MARCHF1: variants seen among roughly 807,000 people sequenced by gnomAD.
The protein encoded by MARCHF1 is E3 ubiquitin-protein ligase MARCHF1.
A neutral mutation model predicts 54.2 loss-of-function variants in MARCHF1; 40 were observed. The ratio of observed to expected loss-of-function variants is 0.74; its 90% CI spans 0.57 to 0.96. The LOEUF is 0.96. MARCHF1 is among the 40% of genes least tolerant of loss of function. MARCHF1 has a pLI of 0.00. For missense variants in MARCHF1, 586 were observed against 656.5 expected (o/e 0.89, Z 1.17); for synonymous variants, 236 against 236.3 (o/e 1.00, Z 0.01).
At chr4:164,363,139 A>G (rs1165391983) in intron 1 of MARCHF1, among the ~76,000 whole-genome samples, 1 of 152,080 alleles carries the variant, frequency 6.6e-6, no homozygotes, top group Non-Finnish European at 1.5e-5. Context: ...TATAGAATCA[A>G]TAAATGGTAT....
rs139153336 is a variant in MARCHF1, at chr4:163,741,413, C to A, written c.112-40550G>T. Among the ~76,000 whole-genome samples the A allele has an allele frequency of 8.6e-5, 13 of 151,866 alleles. No homozygotes were observed. The East Asian group carries it at 2.3e-3, about 27-fold the overall frequency. The stretch of plus-strand genomic sequence containing the variant: ...AACTCTGGCCAACATGATGAAACCC[C>A]ATCTCTACCAAAAATACAAATTAGC... On this transcript the variant is annotated intron_variant, in intron 4 of 9. Coordinates refer to ENST00000514618, the MANE Select transcript of MARCHF1 (RefSeq NM_001394959.1).
chr4:164,222,419 TAGAA>T lies in MARCHF1; in HGVS notation c.-322-110761_-322-110758del, dbSNP rs529904927. Among the ~76,000 whole-genome samples the T allele has an allele frequency of 5.0e-4, 76 of 152,072 alleles. 1 individual carries two copies. Among genetic ancestry groups the T allele is most frequent in the African/African-American group, 1.8e-3 (74 of 41,486 alleles). On this transcript the variant is annotated intron_variant, in intron 1 of 9. Coordinates refer to ENST00000514618, the MANE Select transcript of MARCHF1 (RefSeq NM_001394959.1). ...TGAAAGAAATATATTTTGTGTATAT[TAGAA>T]AGAAAAGCAGCCTGGATCTAAGTAA...
At chr4:163,724,316 G>A (rs1190378710) in intron 4 of MARCHF1, among the ~76,000 whole-genome samples, 1 of 152,240 alleles carries the variant, frequency 6.6e-6, no homozygotes, top group Non-Finnish European at 1.5e-5. Context: ...AGCAGAGGCT[G>A]CAGAACAGCG....
chr4:163,944,107 C>T (rs561318364), intron 3 of MARCHF1, among the ~76,000 whole-genome samples: 1 of 150,200 alleles, frequency 6.7e-6, no homozygotes, highest in East Asian at 2.0e-4. Context: ...GCTGGGGCTA[C>T]AGGCACCTGT....
chr4:163,931,531 G>C (rs1420565497), intron 3 of MARCHF1, among the ~76,000 whole-genome samples: 1 of 152,080 alleles, frequency 6.6e-6, no homozygotes, highest in Non-Finnish European at 1.5e-5. Flanking sequence ...TTGTCTTTGA[G>C]AAAATGGGGC....
Position 163,890,380 on chromosome 4 carries a change from C to CTCTT in MARCHF1, c.-38-36212_-38-36211insAAGA, listed in dbSNP as rs56405254. ...TTAAATGGGCTTTCTCTCTCTCTCT[C>CTCTT]TGTTTTTTCTTCTTGTTTGCTACTT... On this transcript the variant is annotated intron_variant, in intron 3 of 9. Transcript: ENST00000514618. 3.8e-4 allele frequency among the ~76,000 whole-genome samples: 58 copies of CTCTT among 151,104 alleles called. 1 individual carries two copies. Among genetic ancestry groups the CTCTT allele is most frequent in the Non-Finnish European group, 5.6e-4 (38 of 67,968 alleles).
chr4:164,337,598 C>T (rs1055332854), intron 1 of MARCHF1, among the ~76,000 whole-genome samples: 4 of 152,212 alleles, frequency 2.6e-5, no homozygotes, highest in African/African-American at 9.7e-5. Context: ...TGGACAACCA[C>T]CCAAAACCAC....
intron 2 of MARCHF1, among the ~76,000 whole-genome samples, chr4:164,001,691 G>C (rs1044493125): frequency 2.0e-5 from 3 of 151,736 alleles, no homozygotes; most frequent in African/African-American, 4.8e-5. Context: ...AAGCGTGCCT[G>C]GTTGTCTGTT....
intron 1 of MARCHF1, among the ~76,000 whole-genome samples, chr4:164,324,811 A>G (rs540205910): frequency 2.0e-5 from 3 of 151,598 alleles, no homozygotes; most frequent in East Asian, 3.9e-4. Flanking sequence ...GAAGAGATCA[A>G]AAGAAGTTGT....
intron 2 of MARCHF1, 26 bp downstream of exon 2, chr4:164,111,555 TTAAAGAA>T (rs1319662910): frequency 6.6e-6 from 1 of 151,786 alleles, no homozygotes; most frequent in Non-Finnish European, 1.5e-5. Flanking sequence ...TCTTCTTTAT[TTAAAGAA>T]TAAAGATAAA....
In MARCHF1 at chr4:164,063,734, G is replaced by A. The variant is rs17578729; in HGVS notation, c.-248+47854C>T. 9.0e-3 allele frequency among the ~76,000 whole-genome samples: 1,363 copies of A among 152,196 alleles called. 6 individuals carry two copies. Among genetic ancestry groups the A allele is most frequent in the Middle Eastern group, 0.037 (11 of 294 alleles). ...AATATTATTCTTGAAGTTTCAAATA[G>A]CACTTGTGCATTCTATATACGAGTA... On this transcript the variant is annotated intron_variant, in intron 2 of 9. Coordinates refer to ENST00000514618, the MANE Select transcript of MARCHF1 (RefSeq NM_001394959.1).
intron 7 of MARCHF1, among the ~76,000 whole-genome samples, chr4:163,602,644 A>T (rs1000186661): frequency 6.6e-6 from 1 of 152,158 alleles, no homozygotes; most frequent in Non-Finnish European, 1.5e-5. Context: ...AGGCAAAAAC[A>T]TAAGAGAATA....
intron 9 of MARCHF1, among the ~76,000 whole-genome samples, chr4:163,540,571 ATTAT>A (rs925642849): frequency 1.3e-5 from 2 of 152,204 alleles, no homozygotes; most frequent in Non-Finnish European, 2.9e-5. Context: ...ATATATGTAC[ATTAT>A]TTATATAGCC....
intron 5 of MARCHF1, among the ~76,000 whole-genome samples, chr4:163,620,620 G>C (rs1332137142): frequency 0.015 from 1,886 of 127,972 alleles, 32 homozygotes; most frequent in African/African-American, 0.054. Context: ...GAGAGAGAGA[G>C]AGAGAGAGAG....
chr4:163,658,694 A>G (rs1743237019), intron 5 of MARCHF1, among the ~76,000 whole-genome samples: 1 of 152,086 alleles, frequency 6.6e-6, no homozygotes, highest in Non-Finnish European at 1.5e-5. Context: ...GTAGGAAGAG[A>G]AAACCAAACA....
At chr4:164,147,501 T>G (rs1729785883) in intron 1 of MARCHF1, among the ~76,000 whole-genome samples, 1 of 116,770 alleles carries the variant, frequency 8.6e-6, no homozygotes, top group South Asian at 2.8e-4. Context: ...CCATAAAAAA[T>G]GATGAGTTCA....
At chr4:164,167,699 G>C (rs917254229) in intron 1 of MARCHF1, among the ~76,000 whole-genome samples, 1 of 151,790 alleles carries the variant, frequency 6.6e-6, no homozygotes, top group Non-Finnish European at 1.5e-5. Flanking sequence ...TTCAATAAAT[G>C]GTCTTAGAAA....
chr4:163,996,651 C>T (rs1265269481), intron 2 of MARCHF1, among the ~76,000 whole-genome samples: 1 of 152,000 alleles, frequency 6.6e-6, no homozygotes, highest in Non-Finnish European at 1.5e-5. Flanking sequence ...CTACAGAATC[C>T]CCTATAGATA....
chr4:163,630,815 C>G (rs367740541), intron 5 of MARCHF1, among the ~76,000 whole-genome samples: 5 of 142,372 alleles, frequency 3.5e-5, no homozygotes, highest in Non-Finnish European at 6.2e-5. Flanking sequence ...AAGATGAATA[C>G]AAAAAAGGAA....
Sources: gnomAD v4.1 joint callset for allele counts (sites outside exome capture counted in the v4.1 genomes callset) on GRCh38, gnomAD v4.1.1 for gene constraint, MANE v1.5 for transcripts, NCBI Gene and HGNC (gene_info 2026-07-23, HGNC 2026-07-21) for gene names.